CELF2: variants seen among roughly 807,000 people sequenced by gnomAD.
CELF2 encodes CUGBP Elav-like family member 2.
Under a neutral mutation model 62.6 loss-of-function variants are expected in CELF2, and 8 were observed. The observed-to-expected ratio is 0.13, with a 90% CI of 0.07 to 0.23. The LOEUF is 0.23. CELF2 is among the 10% of genes least tolerant of loss of function. The pLI is 1.00. For synonymous variants in CELF2, 258 were observed against 250.0 expected, an observed-to-expected ratio of 1.03 and a Z score of -0.30; for missense variants, 333 against 671.0, an observed-to-expected ratio of 0.50 and a Z score of 5.56.
chr10:11,212,170 G>T (rs1258951587), intron 2 of CELF2, among the ~76,000 whole-genome samples: 1 of 152,118 alleles, frequency 6.6e-6, no homozygotes, highest in African/African-American at 2.4e-5. Context: ...CAATTTCAGG[G>T]AATCTGGGCG....
At chr10:10,767,360 G>A in the CELF2 span, among the ~76,000 whole-genome samples, 2 of 152,156 alleles carry the variant, frequency 1.3e-5, no homozygotes, top group Non-Finnish European at 2.9e-5. Flanking sequence ...ACTGAGGCCT[G>A]AGTCAAATTA....
intron 1 of CELF2, among the ~76,000 whole-genome samples, chr10:10,814,214 T>TTA (rs2056219860): frequency 2.3e-5 from 1 of 44,434 alleles, no homozygotes; most frequent in Non-Finnish European, 4.0e-5. Context: ...AGAAGAGTCC[T>TTA]AAAAAAAAAA....
chr10:10,890,218 T>C (rs2062034305), intron 1 of CELF2, among the ~76,000 whole-genome samples: 1 of 152,190 alleles, frequency 6.6e-6, no homozygotes, highest in African/African-American at 2.4e-5. Flanking sequence ...TATACAGGTA[T>C]TGACCAGCTT....
At position 10,827,712 on chromosome 10, in the gene CELF2, C is replaced by T. The variant is rs61634274; in HGVS notation, c.53+28895C>T. On this transcript the variant is annotated intron_variant, in intron 1 of 13. Coordinates refer to the CELF2 transcript ENST00000636488. ...ACACTTCTTAAAAGTACTTGTGTGT[C>T]GTATCTGTCATTGACTTGATTTTTC... is the stretch of plus-strand genomic sequence containing the variant. 6.8e-3 allele frequency among the ~76,000 whole-genome samples: 1,036 copies of T among 152,070 alleles called. 11 individuals carry two copies. The highest frequency in any genetic ancestry group is 0.024 in the African/African-American group (994 of 41,488).
the CELF2 span, among the ~76,000 whole-genome samples, chr10:10,511,563 A>T: frequency 2.6e-5 from 4 of 152,190 alleles, no homozygotes; most frequent in Non-Finnish European, 4.4e-5. Flanking sequence ...AATGATAGTT[A>T]AGTAAATAAA....
chr10:10,701,372 T>C, the CELF2 span, among the ~76,000 whole-genome samples: 1 of 152,240 alleles, frequency 6.6e-6, no homozygotes, highest in Non-Finnish European at 1.5e-5. Context: ...TGGTTAAAAA[T>C]AGATATGCAG....
chr10:11,292,216 A>G (rs559361522), intron 9 of CELF2, among the ~76,000 whole-genome samples: 10 of 152,328 alleles, frequency 6.6e-5, no homozygotes, highest in African/African-American at 2.4e-4. Context: ...ACAAACACCA[A>G]GCTTCAAGGA....
the CELF2 span, among the ~76,000 whole-genome samples, chr10:10,752,699 A>AG: frequency 6.8e-6 from 1 of 146,588 alleles, no homozygotes; most frequent in Non-Finnish European, 1.5e-5. Flanking sequence ...AAAAAAAAAA[A>AG]AAAAAAAAGA....
At chr10:10,516,403 A>G in the CELF2 span, among the ~76,000 whole-genome samples, 1 of 152,362 alleles carries the variant, frequency 6.6e-6, no homozygotes, top group South Asian at 2.1e-4. Context: ...AAAATGTAAA[A>G]TACATAACTA....
chr10:10,553,288 C>T, the CELF2 span, among the ~76,000 whole-genome samples: 1 of 152,104 alleles, frequency 6.6e-6, no homozygotes, highest in Admixed American at 6.5e-5. Flanking sequence ...TTACCTGCCA[C>T]CAAGTCCCTC....
chr10:11,202,606 G>A (rs1588958329), intron 2 of CELF2, among the ~76,000 whole-genome samples: 1 of 152,192 alleles, frequency 6.6e-6, no homozygotes, highest in African/African-American at 2.4e-5. Context: ...TATTCAGGGA[G>A]CTAAGACTTG....
chr10:11,214,090 C>T lies in CELF2; in HGVS notation c.272-3335C>T, dbSNP rs2062651115. On this transcript the variant is annotated intron_variant, in intron 2 of 12. Transcript: ENST00000633077. The surrounding 1 kb of genome is among the most constrained non-coding windows in gnomAD (Gnocchi z 4.2). ...CTTGAGGCCAGGAGTCCAAGACCAGCCTGGGCAACATAGTGGGACCCCTAT... is the reference window on the plus strand; with the variant it reads ...CTTGAGGCCAGGAGTCCAAGACCAGTCTGGGCAACATAGTGGGACCCCTAT... Among the ~76,000 whole-genome samples, 1 of 152,042 alleles carries T rather than the reference C, an allele frequency of 6.6e-6. No homozygotes were observed. The highest frequency in any genetic ancestry group is 2.4e-5 in the African/African-American group (1 of 41,384).
intron 1 of CELF2, among the ~76,000 whole-genome samples, chr10:11,116,444 C>T (rs548574643): frequency 3.9e-5 from 6 of 152,360 alleles, no homozygotes; most frequent in Admixed American, 6.5e-5. Context: ...CTAATTTACA[C>T]GTATGAGAAG....
At chr10:10,598,927 A>G in the CELF2 span, among the ~76,000 whole-genome samples, 6 of 150,392 alleles carry the variant, frequency 4.0e-5, no homozygotes, top group African/African-American at 1.5e-4. Context: ...TTATTTTTGT[A>G]TTTTTAGTAG....
At chr10:10,645,524 C>T in the CELF2 span, among the ~76,000 whole-genome samples, 5 of 152,108 alleles carry the variant, frequency 3.3e-5, no homozygotes, top group African/African-American at 7.2e-5. Flanking sequence ...CATGGTAGCA[C>T]GCCCATGTAG....
At position 11,329,231 on chromosome 10, in the gene CELF2, A is replaced by G. The variant is rs2095916892; in HGVS notation, c.*178A>G. On this transcript the variant is annotated 3_prime_UTR_variant, in exon 13 of 13. Transcript: ENST00000633077. The surrounding 1 kb of genome is among the most constrained non-coding windows in gnomAD (Gnocchi z 5.5). ...ACCCACTTCCCCTACCCAGTTTGCC[A>G]TAATTAAAACTTGGGCTACTTTGTT... is the stretch of plus-strand genomic sequence containing the variant. The G allele has an allele frequency of 2.1e-6, 1 of 480,534 alleles. No individual in the cohort carries two copies. The highest frequency in any genetic ancestry group is 4.1e-5 in the Admixed American group (1 of 24,100). 29.8% of individuals were successfully genotyped at this position (480,534 alleles called of 1,614,324 possible).
At chr10:10,996,889 G>C (rs2054010271) in intron 2 of CELF2, among the ~76,000 whole-genome samples, 1 of 152,140 alleles carries the variant, frequency 6.6e-6, no homozygotes, top group Admixed American at 6.5e-5. Flanking sequence ...TCTCAGCAGA[G>C]TAACTTATCT....
Position 11,296,624 on chromosome 10 carries a change from G to A in CELF2, c.976+8072G>A, listed in dbSNP as rs1249773962. ...TAAAATGGAAATTTTTAGTTCAGAT[G>A]TGGTTTAATCCCGAGAACCCGTCAC... On this transcript the variant is annotated intron_variant, in intron 9 of 12. Coordinates refer to ENST00000633077, the MANE Select transcript of CELF2 (RefSeq NM_001326342.2). This position sits in a 1 kb window ranked among gnomAD's most constrained non-coding sequence, Gnocchi z 5.0. 6.6e-6 allele frequency among the ~76,000 whole-genome samples: 1 copy of A among 152,176 alleles called. No homozygotes were observed. Among genetic ancestry groups the A allele is most frequent in the Non-Finnish European group, 1.5e-5 (1 of 68,036 alleles).
chr10:11,165,727 C>A lies in CELF2; in HGVS notation c.271+45C>A. 1 of 1,549,918 alleles carries A rather than the reference C, an allele frequency of 6.5e-7. No homozygotes were observed. The highest frequency in any genetic ancestry group is 8.7e-7 in the Non-Finnish European group (1 of 1,144,904). ...GGTCGCCAGGCGTCCAGGTGGGCGT[C>A]GCGGGGCACTGGGGCTGTCCGAGCC... is the stretch of plus-strand genomic sequence containing the variant. On this transcript the variant is annotated intron_variant, in intron 2 of 12. Coordinates refer to ENST00000633077, the MANE Select transcript of CELF2 (RefSeq NM_001326342.2). The surrounding 1 kb of genome is among the most constrained non-coding windows in gnomAD (Gnocchi z 7.4).
Sources: gnomAD v4.1 joint callset for allele counts (sites outside exome capture counted in the v4.1 genomes callset) on GRCh38, gnomAD v4.1.1 for gene constraint, Gnocchi (gnomAD v3.1) non-coding constraint, MANE v1.5 for transcripts, NCBI Gene and HGNC (gene_info 2026-07-23, HGNC 2026-07-21) for gene names.